The following DGKG variants were observed in gnomAD, a reference collection of about 807,000 sequenced individuals.
The protein encoded by DGKG is diacylglycerol kinase gamma.
DGKG carries 78 observed loss-of-function variants against 105.3 expected under a neutral mutation model. The ratio of observed to expected loss-of-function variants is 0.74; its 90% confidence interval spans 0.62 to 0.89. The LOEUF is 0.89. DGKG is among the 40% of genes least tolerant of loss of function. DGKG has a pLI of 0.00. For missense variants in DGKG, 958 were observed against 1,020.1 expected (o/e 0.94, Z 0.83); for synonymous variants, 346 against 367.1 (o/e 0.94, Z 0.66).
chr3:186,158,628 T>C (rs1716144667), intron 24 of DGKG: 13 of 924,496 alleles, frequency 1.4e-5, no homozygotes, highest in Non-Finnish European at 1.7e-5. Context: ...ATATGATATT[T>C]AATTTCTTTA....
chr3:186,219,662 T>C (rs1388693938), intron 20 of DGKG, among the ~76,000 whole-genome samples: 1 of 151,174 alleles, frequency 6.6e-6, no homozygotes, highest in Non-Finnish European at 1.5e-5. Flanking sequence ...TGGTGAATGA[T>C]GGGAAGACTG....
intron 2 of DGKG, among the ~76,000 whole-genome samples, chr3:186,319,438 T>C (rs1314561378): frequency 6.6e-6 from 1 of 152,180 alleles, no homozygotes; most frequent in Non-Finnish European, 1.5e-5. Flanking sequence ...AAGGACTGCC[T>C]ACTGTGTGAG....
At chr3:186,270,973 A>T (rs1197889388) in intron 11 of DGKG, among the ~76,000 whole-genome samples, 1 of 152,228 alleles carries the variant, frequency 6.6e-6, no homozygotes, top group Non-Finnish European at 1.5e-5. Context: ...GGTGAAAGGC[A>T]TGGACATGGA....
At chr3:186,302,672 G>T (rs1724037539) in intron 3 of DGKG, among the ~76,000 whole-genome samples, 1 of 150,654 alleles carries the variant, frequency 6.6e-6, no homozygotes. Flanking sequence ...CCTCTTAAGT[G>T]CAGGGCACAG....
intron 12 of DGKG, among the ~76,000 whole-genome samples, chr3:186,268,362 G>A (rs932476577): frequency 6.6e-6 from 1 of 152,198 alleles, no homozygotes. Context: ...GGTGGCAGCA[G>A]GTCCAAACCT....
chr3:186,353,020 C>G (rs1459775955), intron 1 of DGKG, among the ~76,000 whole-genome samples: 1 of 152,178 alleles, frequency 6.6e-6, no homozygotes, highest in Non-Finnish European at 1.5e-5. Context: ...ACAGTTTTTG[C>G]TCCAGCAACA....
intron 1 of DGKG, among the ~76,000 whole-genome samples, chr3:186,345,622 A>G (rs1041055135): frequency 2.6e-5 from 4 of 152,050 alleles, no homozygotes; most frequent in Non-Finnish European, 4.4e-5. Flanking sequence ...AGAATATTTT[A>G]TTTTCACTGT....
At chr3:186,171,249 G>A (rs1036304743) in intron 22 of DGKG, among the ~76,000 whole-genome samples, 1 of 152,162 alleles carries the variant, frequency 6.6e-6, no homozygotes, top group Non-Finnish European at 1.5e-5. Flanking sequence ...CCAGCCTTTG[G>A]CATATAAAAG....
intron 21 of DGKG, among the ~76,000 whole-genome samples, chr3:186,205,078 G>A (rs763838390): frequency 2.7e-5 from 4 of 150,678 alleles, no homozygotes; most frequent in Admixed American, 6.6e-5. Context: ...CCAACATGGC[G>A]AAACCCCGTC....
intron 5 of DGKG, among the ~76,000 whole-genome samples, chr3:186,289,942 C>T (rs1723241846): frequency 6.6e-6 from 1 of 152,166 alleles, no homozygotes; most frequent in African/African-American, 2.4e-5. Flanking sequence ...AGATGAAAGC[C>T]TTCCAGGTTC....
At chr3:186,295,160 C>T (rs1723488516) in intron 5 of DGKG, among the ~76,000 whole-genome samples, 1 of 152,122 alleles carries the variant, frequency 6.6e-6, no homozygotes, top group African/African-American at 2.4e-5. Context: ...GCAATTAGTT[C>T]CCCTTCTCCT....
At chr3:186,194,803 T>TAAAAAAAAAAAAAAAAAAAAAAAA (rs57878064) in intron 21 of DGKG, among the ~76,000 whole-genome samples, 2 of 105,408 alleles carry the variant, frequency 1.9e-5, no homozygotes, top group African/African-American at 7.2e-5. Context: ...GGTCTTTCTT[T>TAAAAAAAAAAAAAAAAAAAAAAAA]AAAAAAAAAA....
intron 1 of DGKG, among the ~76,000 whole-genome samples, chr3:186,324,417 C>G (rs1725235908): frequency 6.6e-6 from 1 of 151,734 alleles, no homozygotes; most frequent in Admixed American, 6.6e-5. Flanking sequence ...AAATCCCCAC[C>G]TGGTGCAATG....
intron 2 of DGKG, among the ~76,000 whole-genome samples, chr3:186,314,884 C>G (rs1350608886): frequency 6.6e-6 from 1 of 150,994 alleles, no homozygotes; most frequent in African/African-American, 2.4e-5. Context: ...CCTTTTTTCT[C>G]TTTCTGAATA....
chr3:186,194,362 C>T (rs776572183), intron 21 of DGKG, among the ~76,000 whole-genome samples: 2 of 152,252 alleles, frequency 1.3e-5, no homozygotes, highest in Non-Finnish European at 2.9e-5. Context: ...ACCCGGAGCA[C>T]CGAAGCTTCC....
intron 1 of DGKG, among the ~76,000 whole-genome samples, chr3:186,356,980 T>C (rs555235242): frequency 1.5e-4 from 23 of 152,236 alleles, no homozygotes; most frequent in African/African-American, 5.5e-4. Context: ...GGCTTCTGGG[T>C]TCTTTCCTCG....
At chr3:186,158,812 CATTTT>C (rs1331945319) in intron 24 of DGKG, 20 of 901,786 alleles carry the variant, frequency 2.2e-5, no homozygotes, top group African/African-American at 1.4e-4. Context: ...AAATATCTAA[CATTTT>C]ATGACCACTA....
intron 9 of DGKG, among the ~76,000 whole-genome samples, chr3:186,278,000 T>A (rs6791797): frequency 0.055 from 8,409 of 152,242 alleles, 803 homozygotes; most frequent in African/African-American, 0.19. Flanking sequence ...CATAAAACTC[T>A]TGATTAATAA....
intron 13 of DGKG, among the ~76,000 whole-genome samples, chr3:186,265,657 C>CTTTTTTTT (rs68014632): frequency 0.025 from 1,952 of 77,406 alleles, 39 homozygotes; most frequent in Non-Finnish European, 0.029. Context: ...TTCTTCCTTT[C>CTTTTTTTT]TTTTTTTTTT....
Sources: allele counts gnomAD v4.1 joint callset (sites outside exome capture counted in the v4.1 genomes callset), GRCh38; gene constraint gnomAD v4.1.1; transcripts MANE v1.5; gene names NCBI Gene and HGNC (gene_info 2026-07-23, HGNC 2026-07-21).